The following DPH7 variants were observed in gnomAD, a reference collection of about 807,000 sequenced individuals.
DPH7 encodes diphthine methyltransferase.
Under a neutral mutation model 41.7 loss-of-function variants are expected in DPH7, and 44 were observed. That is an observed-to-expected ratio of 1.05 (90% CI 0.83 to 1.36). The LOEUF (loss-of-function observed/expected upper bound fraction) is 1.36, where lower values mean the gene tolerates loss of function less well. Ranked by LOEUF, DPH7 falls within the 40% of genes most tolerant of loss-of-function variation. DPH7 has a pLI of 0.00. For missense variants in DPH7, 629 were observed against 577.5 expected (o/e 1.09, Z -0.91); for synonymous variants, 275 against 238.0 (o/e 1.16, Z -1.43).
intron 5 of DPH7, among the ~76,000 whole-genome samples, chr9:137,570,949 C>T (rs1332838881): frequency 3.9e-5 from 6 of 152,126 alleles, no homozygotes; most frequent in Non-Finnish European, 8.8e-5. Flanking sequence ...CTTGTGTTTA[C>T]TGTCTGTCTC....
intron 5 of DPH7, among the ~76,000 whole-genome samples, chr9:137,573,980 C>T (rs1301985997): frequency 6.6e-6 from 1 of 152,128 alleles, no homozygotes; most frequent in Admixed American, 6.5e-5. Flanking sequence ...GCAGTAGAAT[C>T]GCTTGAACCT....
In DPH7 at chr9:137,556,772, A is replaced by G; in HGVS notation, c.950-1124T>C. On this transcript the variant is annotated intron_variant, in intron 8 of 8. Transcript: ENST00000277540. This position sits in a 1 kb window ranked among gnomAD's most constrained non-coding sequence, Gnocchi z 5.2. ...ACCTCCGCTAGTCTTTCATCCAGCA[A>G]TCGCTCAACACGTCCACTCGGGCCA... The G allele has an allele frequency of 2.2e-6, 1 of 455,620 alleles. No individual in the cohort carries two copies. The highest frequency in any genetic ancestry group is 4.4e-6 in the Non-Finnish European group (1 of 226,582). The allele number at this position is 455,620 out of a possible 1,614,324, so 28.2% of individuals were successfully genotyped here. A position where few individuals can be genotyped will look rare whatever the true frequency, so the allele number is the denominator to read the frequency against.
Position 137,555,274 on chromosome 9 carries a change from G to A in DPH7, c.1324C>T (p.His442Tyr). The change falls in exon 9 of 9, where the codon CAT becomes TAT. Residue 442 changes from histidine to tyrosine, a missense_variant. Physicochemically the swap from His to Tyr is moderately conservative, Grantham distance 83. Transcript: ENST00000277540. ...SLLATCSFYD[H>Y]ALHLWEWEGN ...TCCCACTCCCAGAGGTGGAGCGCAT[G>A]GTCATAGAAGGAGCAGGTGGCCAGG... 6.2e-7 allele frequency: 1 copy of A among 1,611,918 alleles called. No homozygotes were observed. The highest frequency in any genetic ancestry group is 8.5e-7 in the Non-Finnish European group (1 of 1,178,706).
chr9:137,569,964 T>A (rs1840135141), intron 5 of DPH7, among the ~76,000 whole-genome samples: 1 of 132,058 alleles, frequency 7.6e-6, no homozygotes, highest in African/African-American at 3.0e-5. Flanking sequence ...CAAAAATCCA[T>A]CCATCCAGTC....
intron 8 of DPH7, among the ~76,000 whole-genome samples, chr9:137,558,603 A>G (rs1385558633): frequency 6.6e-6 from 1 of 152,240 alleles, no homozygotes; most frequent in African/African-American, 2.4e-5. Flanking sequence ...CTTCCATGAA[A>G]TATCTAGAAA....
chr9:137,571,985 C>G (rs1840514416), intron 5 of DPH7, among the ~76,000 whole-genome samples: 1 of 152,120 alleles, frequency 6.6e-6, no homozygotes, highest in Admixed American at 6.6e-5. Context: ...GTAGAAGAAC[C>G]AACCCAAGGA....
In DPH7 at chr9:137,554,580, G is replaced by C. The variant is rs1253321750; in HGVS notation, c.*659C>G. Among the ~76,000 whole-genome samples, 2 of 151,946 alleles carry C rather than the reference G, an allele frequency of 1.3e-5. No individual in the cohort carries two copies. The highest frequency in any genetic ancestry group is 4.8e-5 in the African/African-American group (2 of 41,346). On this transcript the variant is annotated 3_prime_UTR_variant, in exon 9 of 9. Coordinates refer to ENST00000277540, the MANE Select transcript of DPH7 (RefSeq NM_138778.5). ...AGCCTCCCAAGTGGCTGGGACCATA[G>C]GCACATGCACCACACCTGGCTAATT...
rs60579586 is a variant in DPH7, at chr9:137,559,504, G to A, written c.950-3856C>T. 6.1e-4 allele frequency among the ~76,000 whole-genome samples: 93 copies of A among 152,296 alleles called. No individual in the cohort carries two copies. The East Asian group carries it at 0.012, about 20-fold the overall frequency. On this transcript the variant is annotated intron_variant, in intron 8 of 8. Transcript: ENST00000277540. ...CAGTCAGACCTGCCCGCAGTTATCC[G>A]GAGGCCTAACCGTCTCCCCGTGATG...
intron 5 of DPH7, 175 bp from the exon 6 acceptor site, chr9:137,565,329 C>T (rs1319116717): frequency 6.6e-6 from 1 of 150,744 alleles, no homozygotes; most frequent in Non-Finnish European, 1.2e-5. Flanking sequence ...GGAAGCTCCC[C>T]GGGGTGACTG....
intron 5 of DPH7, among the ~76,000 whole-genome samples, chr9:137,573,740 G>T (rs1253856710): frequency 7.5e-6 from 1 of 133,438 alleles, no homozygotes; most frequent in Non-Finnish European, 1.6e-5. Context: ...GCCAACTATA[G>T]CCTTTGTTCC....
rs1186012390 is a variant in DPH7 at position 137,574,233 on chromosome 9, G to A, written c.615C>T (p.Tyr205=). 13 of 1,614,162 alleles carry A rather than the reference G, an allele frequency of 8.1e-6. No individual in the cohort carries two copies. Among genetic ancestry groups the A allele is most frequent in the South Asian group, 4.4e-5 (4 of 91,088 alleles). The part of the protein sequence containing the change: ...QFEAWIAAFN[Y]WHPEIVYSGG... ...CTGAATACACAATTTCTGGATGCCA[G>A]TAATTGAAAGCAGCAATCCAGGCCT... Residue 205 remains tyrosine (Y), a synonymous_variant, in exon 5 of 9, where the codon TAC becomes TAT. Transcript: ENST00000277540.
In DPH7 at chr9:137,564,421, G is replaced by A. The variant is rs1308877335; in HGVS notation, c.949+13C>T. 1 of 1,605,848 alleles carries A rather than the reference G, an allele frequency of 6.2e-7. No individual in the cohort carries two copies. Among genetic ancestry groups the A allele is most frequent in the African/African-American group, 1.3e-5 (1 of 74,796 alleles). The stretch of plus-strand genomic sequence containing the variant: ...CCTGCCCTGAGGCCCAGCAGCCACG[G>A]GTCCCCACTCACCCATTGCCTTTTG... On this transcript the variant is annotated intron_variant, in intron 8 of 8. Transcript: ENST00000277540.
intron 8 of DPH7, among the ~76,000 whole-genome samples, chr9:137,563,104 C>T (rs1466088944): frequency 6.6e-6 from 1 of 152,170 alleles, no homozygotes; most frequent in Non-Finnish European, 1.5e-5. Context: ...ACAATTGCAC[C>T]ACCACACTCC....
intron 5 of DPH7, among the ~76,000 whole-genome samples, chr9:137,573,682 C>CA (rs61028786): frequency 0.037 from 950 of 25,902 alleles, 200 homozygotes; most frequent in East Asian, 0.12. Context: ...GACTCTGTCT[C>CA]AAAAAAAAAA....
intron 8 of DPH7, among the ~76,000 whole-genome samples, chr9:137,564,049 G>C (rs1010037675): frequency 2.6e-5 from 4 of 152,158 alleles, no homozygotes; most frequent in African/African-American, 4.8e-5. Context: ...GAGCTCACAG[G>C]GGGCAGCAGA....
intron 8 of DPH7, among the ~76,000 whole-genome samples, chr9:137,560,267 T>C (rs1337059025): frequency 6.6e-6 from 1 of 152,102 alleles, no homozygotes; most frequent in Non-Finnish European, 1.5e-5. Flanking sequence ...AGGCAAGCTC[T>C]ATCCAAACAG....
intron 5 of DPH7, among the ~76,000 whole-genome samples, chr9:137,570,656 C>T (rs534805001): frequency 1.3e-5 from 2 of 152,328 alleles, no homozygotes; most frequent in African/African-American, 4.8e-5. Flanking sequence ...CTTCCTGGAG[C>T]CTGCACGGCC....
chr9:137,576,522 G>C (rs1168404128), intron 2 of DPH7: 2 of 230,838 alleles, frequency 8.7e-6, no homozygotes, highest in Non-Finnish European at 1.8e-5. Context: ...AGGATGACTT[G>C]AGGTAAGGAG....
At chr9:137,576,676 G>A (rs1388344612) in intron 2 of DPH7, among the ~76,000 whole-genome samples, 3 of 152,146 alleles carry the variant, frequency 2.0e-5, no homozygotes, top group Admixed American at 1.3e-4. Flanking sequence ...GGATCACGAG[G>A]TCAGGAGATC....
Sources: allele counts gnomAD v4.1 joint callset (sites outside exome capture counted in the v4.1 genomes callset), GRCh38; gene constraint gnomAD v4.1.1; non-coding constraint Gnocchi (gnomAD v3.1); transcripts MANE v1.5; gene names NCBI Gene and HGNC (gene_info 2026-07-23, HGNC 2026-07-21).